B3GALT1: variants seen among roughly 807,000 people sequenced by gnomAD.
B3GALT1 encodes UDP-Gal:betaGlcNAc beta 1,3-galactosyltransferase, polypeptide 1.
A neutral mutation model predicts 23.2 loss-of-function variants in B3GALT1; 10 were observed. That is an observed-to-expected ratio of 0.43 (90% CI 0.27 to 0.73). B3GALT1 has a LOEUF of 0.73. B3GALT1 is among the 30% of genes least tolerant of loss of function. B3GALT1 has a pLI of 0.21. For synonymous variants in B3GALT1, 156 were observed against 141.5 expected (o/e 1.10, Z -0.73); for missense variants, 299 against 405.4 (o/e 0.74, Z 2.25).
chr2:167,458,305 A>T (rs75068462), intron 1 of B3GALT1, among the ~76,000 whole-genome samples: 9,961 of 152,258 alleles, frequency 0.065, 429 homozygotes, highest in African/African-American at 0.13. Context: ...TTTTAAGGCT[A>T]AATAAGATTC....
At chr2:167,695,321 G>T (rs1014552445) in intron 3 of B3GALT1, among the ~76,000 whole-genome samples, 1 of 152,016 alleles carries the variant, frequency 6.6e-6, no homozygotes. Flanking sequence ...CATTCCCCAA[G>T]TGATTAATTA....
intron 1 of B3GALT1, among the ~76,000 whole-genome samples, chr2:167,307,343 T>G (rs1020579242): frequency 5.3e-5 from 8 of 152,072 alleles, no homozygotes; most frequent in Admixed American, 4.6e-4. Flanking sequence ...CTTTGCTCAG[T>G]TGATTATCAC....
intron 1 of B3GALT1, among the ~76,000 whole-genome samples, chr2:167,406,800 A>G (rs1422574034): frequency 6.6e-6 from 1 of 152,150 alleles, no homozygotes; most frequent in South Asian, 2.1e-4. Context: ...CATTCCACAG[A>G]TACAGATCCC....
chr2:167,429,523 T>G (rs1189905238), intron 1 of B3GALT1, among the ~76,000 whole-genome samples: 1 of 152,054 alleles, frequency 6.6e-6, no homozygotes, highest in African/African-American at 2.4e-5. Flanking sequence ...TGTGAGAAAT[T>G]TTACCTATGG....
intron 4 of B3GALT1, among the ~76,000 whole-genome samples, chr2:167,854,844 G>T (rs929243323): frequency 6.6e-6 from 1 of 152,110 alleles, no homozygotes. Flanking sequence ...GCTAGTAAGG[G>T]GCAGAGCCTT....
chr2:167,384,348 CCTCTCTTTTCCCTGAAAAAA>C (rs1183063908), intron 1 of B3GALT1, among the ~76,000 whole-genome samples: 9 of 152,156 alleles, frequency 5.9e-5, no homozygotes, highest in Admixed American at 1.3e-4. Context: ...TACTGACACA[CCTCTCTTTTCCCTGAAAAAA>C]CTAACAAAAA....
chr2:167,370,910 T>C (rs941595108), intron 1 of B3GALT1, among the ~76,000 whole-genome samples: 1 of 152,054 alleles, frequency 6.6e-6, no homozygotes, highest in Non-Finnish European at 1.5e-5. Context: ...TGGGCGACAG[T>C]GCGAGACTCC....
intron 1 of B3GALT1, among the ~76,000 whole-genome samples, chr2:167,414,736 A>G (rs1480496249): frequency 6.6e-6 from 1 of 152,216 alleles, no homozygotes; most frequent in Non-Finnish European, 1.5e-5. Flanking sequence ...CCTTCAATCA[A>G]CAACTCTTTG....
intron 3 of B3GALT1, among the ~76,000 whole-genome samples, chr2:167,682,614 C>T (rs772109068): frequency 7.9e-5 from 12 of 152,196 alleles, no homozygotes; most frequent in Non-Finnish European, 1.5e-4. Flanking sequence ...CAAGCCGTCC[C>T]GAGATTCTGA....
intron 1 of B3GALT1, among the ~76,000 whole-genome samples, chr2:167,489,457 C>G (rs1477760643): frequency 1.3e-5 from 2 of 152,176 alleles, no homozygotes; most frequent in Non-Finnish European, 2.9e-5. Context: ...TGGAAAGAAG[C>G]TTGCCAAGTA....
chr2:167,464,350 T>C (rs1473609369), intron 1 of B3GALT1, among the ~76,000 whole-genome samples: 1 of 152,186 alleles, frequency 6.6e-6, no homozygotes, highest in Non-Finnish European at 1.5e-5. Context: ...CAGAGAAGAA[T>C]TGAGTTTACC....
intron 2 of B3GALT1, chr2:167,558,261 A>G (rs1683890512): frequency 6.6e-6 from 1 of 152,238 alleles, no homozygotes; most frequent in African/African-American, 2.4e-5. Context: ...ATGAAAAGAA[A>G]AATCAAGTTT....
At chr2:167,316,268 A>G (rs1186494470) in intron 1 of B3GALT1, among the ~76,000 whole-genome samples, 4 of 152,096 alleles carry the variant, frequency 2.6e-5, no homozygotes. Context: ...AATAATGAAA[A>G]CTACATTGGG....
intron 2 of B3GALT1, among the ~76,000 whole-genome samples, chr2:167,618,996 C>T (rs1459629707): frequency 6.6e-6 from 1 of 151,244 alleles, no homozygotes; most frequent in Non-Finnish European, 1.5e-5. Context: ...TACTTTGAGA[C>T]TGTGTAAATG....
At chr2:167,485,337 C>T (rs1699611479) in intron 1 of B3GALT1, among the ~76,000 whole-genome samples, 1 of 152,068 alleles carries the variant, frequency 6.6e-6, no homozygotes, top group African/African-American at 2.4e-5. Flanking sequence ...CCAAGTGTGT[C>T]CTGTTTGTGT....
intron 3 of B3GALT1, among the ~76,000 whole-genome samples, chr2:167,716,274 C>T (rs1331614627): frequency 1.3e-5 from 2 of 152,124 alleles, no homozygotes; most frequent in Non-Finnish European, 2.9e-5. Context: ...CTCCCTCGGC[C>T]CCCCTGTTAC....
intron 3 of B3GALT1, among the ~76,000 whole-genome samples, chr2:167,800,828 T>C (rs1204786636): frequency 6.6e-6 from 1 of 152,148 alleles, no homozygotes; most frequent in African/African-American, 2.4e-5. Context: ...ATAAAGAGCG[T>C]AGATGGACAG....
intron 1 of B3GALT1, among the ~76,000 whole-genome samples, chr2:167,322,224 G>A (rs1321225409): frequency 6.6e-6 from 1 of 151,492 alleles, no homozygotes; most frequent in Non-Finnish European, 1.5e-5. Context: ...TGTTGTTAAA[G>A]GGATTATTCT....
At chr2:167,342,037 C>T (rs912691467) in intron 1 of B3GALT1, among the ~76,000 whole-genome samples, 3 of 152,032 alleles carry the variant, frequency 2.0e-5, no homozygotes, top group Middle Eastern at 3.4e-3. Context: ...ATGGTCAAGC[C>T]GCATAAAAAT....
Sources: allele counts gnomAD v4.1 joint callset (sites outside exome capture counted in the v4.1 genomes callset), GRCh38; gene constraint gnomAD v4.1.1; transcripts MANE v1.5; gene names NCBI Gene and HGNC (gene_info 2026-07-23, HGNC 2026-07-21).